GP2: variants seen among roughly 807,000 people sequenced by gnomAD.
GP2 encodes pancreatic secretory granule membrane major glycoprotein GP2.
Under a neutral mutation model 60.8 loss-of-function variants are expected in GP2, and 58 were observed. The ratio of observed to expected loss-of-function variants is 0.95; its 90% confidence interval spans 0.77 to 1.19. GP2 has a LOEUF of 1.19. GP2 is among the 50% of genes most tolerant of loss of function. The pLI is 0.00. For synonymous variants in GP2, 280 were observed against 253.4 expected, an observed-to-expected ratio of 1.10 and a Z score of -1.00; for missense variants, 647 against 667.4, an observed-to-expected ratio of 0.97 and a Z score of 0.34.
At chr16:20,323,234 A>G in intron 3 of GP2, 1 of 644,774 alleles carries the variant, frequency 1.6e-6, no homozygotes. Flanking sequence ...TCAAAATGAG[A>G]AAGGACAGCA....
At chr16:20,319,517 G>A in intron 6 of GP2, 103 bp downstream of exon 6, 2 of 757,460 alleles carry the variant, frequency 2.6e-6, no homozygotes, top group Non-Finnish European at 4.5e-6. Flanking sequence ...GGCTCCTGGA[G>A]GAGGCTGGCA....
rs753854978 is a variant in GP2, at chr16:20,322,862, A to C, written c.646+7T>G. On this transcript the variant is annotated splice_region_variant and intron_variant, in intron 4 of 10. Coordinates refer to ENST00000302555, the MANE Select transcript of GP2 (RefSeq NM_001502.4). ...GATGGTAGTTACTTGCCCAGTGAGC[A>C]GCTCACCAGAACTATTGAGGTCCTG... The C allele has an allele frequency of 2.6e-5, 39 of 1,483,166 alleles. No individual in the cohort carries two copies. The African/African-American group carries it at 5.1e-4, about 19-fold the overall frequency. 91.9% of individuals were successfully genotyped at this position (1,483,166 alleles called of 1,614,324 possible).
Position 20,322,852 on chromosome 16 carries a change from C to T in GP2, c.646+17G>A, listed in dbSNP as rs375856066. 4.0e-5 allele frequency: 56 copies of T among 1,384,018 alleles called. No individual in the cohort carries two copies. The highest frequency in any genetic ancestry group is 5.5e-5 in the Non-Finnish European group (53 of 970,506). 85.7% of individuals were successfully genotyped at this position (1,384,018 alleles called of 1,614,324 possible). On this transcript the variant is annotated intron_variant, in intron 4 of 10. Transcript: ENST00000302555. ...GCCCCCTCAGGATGGTAGTTACTTG[C>T]CCAGTGAGCAGCTCACCAGAACTAT...
chr16:20,319,183 C>G (rs922993122), intron 6 of GP2, among the ~76,000 whole-genome samples: 1 of 152,124 alleles, frequency 6.6e-6, no homozygotes, highest in African/African-American at 2.4e-5. Context: ...CCCATCAAAC[C>G]CACCACCAAC....
chr16:20,317,458 A>T, intron 7 of GP2, 83 bp from the exon 8 acceptor site: 2 of 1,042,258 alleles, frequency 1.9e-6, no homozygotes, highest in Non-Finnish European at 2.9e-6. Context: ...TCCCTCCATC[A>T]TGATAACGTG....
At position 20,324,122 on chromosome 16, in the gene GP2, C is replaced by T; in HGVS notation, c.229G>A (p.Glu77Lys). The T allele has an allele frequency of 6.2e-7, 1 of 1,614,132 alleles. No homozygotes were observed. ...TLLDEPFRST[E>K]NSAGSQGCDK... is the part of the protein sequence containing the mutation. Reference sequence around the variant, plus strand: ...CACCCCTGGGACCCTGCTGAGTTCTCTGTGCTTCGGAAGGGTTCATCCAGG... The same window carrying T: ...CACCCCTGGGACCCTGCTGAGTTCTTTGTGCTTCGGAAGGGTTCATCCAGG... The change falls in exon 3 of 11, where the codon GAG becomes AAG. Residue 77 changes from glutamate to lysine, a missense_variant. By Grantham distance (56) the Glu-to-Lys change is moderately conservative. Transcript: ENST00000302555.
chr16:20,323,187 T>C (rs1051135180), intron 3 of GP2, among the ~76,000 whole-genome samples: 2 of 152,198 alleles, frequency 1.3e-5, no homozygotes, highest in South Asian at 2.1e-4. Flanking sequence ...CAGGCAAGAC[T>C]CTATTCTAAG....
intron 4 of GP2, 111 bp from the exon 5 acceptor site, chr16:20,320,584 C>T (rs1439060460): frequency 2.7e-6 from 2 of 747,784 alleles, no homozygotes; most frequent in Non-Finnish European, 4.5e-6. Context: ...CTAGAAGGTC[C>T]CTGGGATCCA....
Position 20,311,181 on chromosome 16 carries a change from G to A in GP2, c.*42C>T, listed in dbSNP as rs753873896. On this transcript the variant is annotated 3_prime_UTR_variant, in exon 11 of 11. Coordinates refer to ENST00000302555, the MANE Select transcript of GP2 (RefSeq NM_001502.4). ...AGTGCTGAAGGGAGCCATTGCCAGA[G>A]GGAAGAACACAAACTTCAAGGCCAG... The A allele has an allele frequency of 7.6e-7, 1 of 1,316,778 alleles. No individual in the cohort carries two copies. Among genetic ancestry groups the A allele is most frequent in the Non-Finnish European group, 1.1e-6 (1 of 908,642 alleles). The allele number at this position is 1,316,778 out of a possible 1,614,324, so 81.6% of individuals were successfully genotyped here.
At chr16:20,317,110 CA>C in intron 8 of GP2, 102 bp downstream of exon 8, 1 of 182,770 alleles carries the variant, frequency 5.5e-6, no homozygotes, top group Non-Finnish European at 1.1e-5. Flanking sequence ...CCCTCCCTCC[CA>C]CCCTCCCTGC....
rs150114387 is a variant in GP2 at position 20,319,750 on chromosome 16, T to C, written c.877A>G (p.Ile293Val). 4 of 1,613,330 alleles carry C rather than the reference T, an allele frequency of 2.5e-6. No individual in the cohort carries two copies. The highest frequency in any genetic ancestry group is 1.1e-5 in the South Asian group (1 of 91,060). Reference sequence around the variant, plus strand: ...ACCAAGGAGAGGGTGTTTTTGTAGATGGCATGGGTTTGATTTCTCTTTGGC... The same window carrying C: ...ACCAAGGAGAGGGTGTTTTTGTAGACGGCATGGGTTTGATTTCTCTTTGGC... ...NILERNQTHAIYKNTLSLVND... is the reference protein window; with the variant it reads ...NILERNQTHAVYKNTLSLVND... The change falls in exon 6 of 11, where the codon ATC becomes GTC. Residue 293 changes from isoleucine (I) to valine (V), a missense_variant. Ile to Val is a conservative substitution (Grantham distance 29). Coordinates refer to ENST00000302555, the MANE Select transcript of GP2 (RefSeq NM_001502.4).
At chr16:20,318,132 CTT>C in intron 7 of GP2, 51 bp downstream of exon 7, 1 of 1,510,708 alleles carries the variant, frequency 6.6e-7, no homozygotes, top group Non-Finnish European at 9.2e-7. Flanking sequence ...GAGATGAACA[CTT>C]TCCTGTAAAC....
chr16:20,326,656 A>T lies in GP2; in HGVS notation c.-36-189T>A, dbSNP rs535620961. The T allele has an allele frequency of 1.3e-3, 704 of 542,652 alleles. 8 individuals carry two copies. The highest frequency in any genetic ancestry group is 9.4e-3 in the South Asian group (411 of 43,750). The allele number at this position is 542,652 out of a possible 1,614,324, so 33.6% of individuals were successfully genotyped here. ...AAAGGCAAGCTTAGAGCTGGCTAGTACTGCAGAATGTCCTAGAAAGGTCTC... is the reference window on the plus strand; with the variant it reads ...AAAGGCAAGCTTAGAGCTGGCTAGTTCTGCAGAATGTCCTAGAAAGGTCTC... On this transcript the variant is annotated intron_variant, in intron 1 of 10. Transcript: ENST00000302555.
At position 20,310,986 on chromosome 16, in the gene GP2, A is replaced by C; in HGVS notation, c.*237T>G. 1 of 344,770 alleles carries C rather than the reference A, an allele frequency of 2.9e-6. No individual in the cohort carries two copies. Among genetic ancestry groups the C allele is most frequent in the Non-Finnish European group, 5.5e-6 (1 of 182,638 alleles). 21.4% of individuals were successfully genotyped at this position (344,770 alleles called of 1,614,324 possible). The stretch of plus-strand genomic sequence containing the variant: ...TGGCCAGGCTGATTTTGAACTGCTG[A>C]CCTCAGGTGATCCACCTGCCTCAGC... On this transcript the variant is annotated 3_prime_UTR_variant, in exon 11 of 11. Transcript: ENST00000302555.
At chr16:20,318,153 G>T in intron 7 of GP2, 32 bp downstream of exon 7, 1 of 1,594,240 alleles carries the variant, frequency 6.3e-7, no homozygotes, top group Non-Finnish European at 8.6e-7. Context: ...ACGTTAGTAA[G>T]GCCAAATGAT....
At chr16:20,323,701 C>G in intron 3 of GP2, 115 bp downstream of exon 3, 1 of 686,822 alleles carries the variant, frequency 1.5e-6, no homozygotes, top group Admixed American at 2.9e-5. Flanking sequence ...GGAGCTGAGT[C>G]GAGGCTGCTC....
Position 20,314,638 on chromosome 16 carries a change from G to C in GP2, c.1546+19C>G, listed in dbSNP as rs766969518. ...GAGAGTTGGGAAAGCTGTGGGAAAGGCATGAGAAAATGATGTACCTGCAGT... is the reference window on the plus strand; with the variant it reads ...GAGAGTTGGGAAAGCTGTGGGAAAGCCATGAGAAAATGATGTACCTGCAGT... On this transcript the variant is annotated intron_variant, in intron 10 of 10. Transcript: ENST00000302555. The C allele has an allele frequency of 3.2e-5, 49 of 1,537,784 alleles. No homozygotes were observed. Among genetic ancestry groups the C allele is most frequent in the Non-Finnish European group, 4.4e-5 (49 of 1,110,346 alleles).
rs534273241 is a variant in GP2, at chr16:20,323,701, C to T, written c.535+115G>A. ...AGTTCTCACTGGGCAGGAGCTGAGT[C>T]GAGGCTGCTCTGCATCCTCTCCTGT... On this transcript the variant is annotated intron_variant, in intron 3 of 10. Coordinates refer to ENST00000302555, the MANE Select transcript of GP2 (RefSeq NM_001502.4). 1.6e-3 allele frequency: 1,090 copies of T among 686,818 alleles called. 1 individual carries two copies. The highest frequency in any genetic ancestry group is 2.4e-3 in the Non-Finnish European group (961 of 402,730). 42.5% of individuals were successfully genotyped at this position (686,818 alleles called of 1,614,324 possible).
rs755134830 is a variant in GP2 at position 20,324,256 on chromosome 16, C to A, written c.95G>T (p.Gly32Val). The change falls in exon 3 of 11, where the codon GGT (glycine) becomes GTT (valine). Residue 32 changes from glycine (G) to valine (V), a missense_variant and splice_region_variant. Transcript: ENST00000302555. ...ILTQASAVQRGYGNPIEASSY... is the reference protein window; with the variant it reads ...ILTQASAVQRVYGNPIEASSY... ...ACTGGCTTCAATGGGGTTTCCATAACCTGGGAAAGTGACAGAGTGCAGTTG... is the reference window on the plus strand; with the variant it reads ...ACTGGCTTCAATGGGGTTTCCATAAACTGGGAAAGTGACAGAGTGCAGTTG... 4 of 1,587,930 alleles carry A rather than the reference C, an allele frequency of 2.5e-6. No homozygotes were observed. The highest frequency in any genetic ancestry group is 3.4e-6 in the Non-Finnish European group (4 of 1,163,082).
Sources: gnomAD v4.1 joint callset for allele counts (sites outside exome capture counted in the v4.1 genomes callset) on GRCh38, gnomAD v4.1.1 for gene constraint, MANE v1.5 for transcripts, NCBI Gene and HGNC (gene_info 2026-07-23, HGNC 2026-07-21) for gene names.